CPVL: variants seen among roughly 807,000 people sequenced by gnomAD.
CPVL encodes the protein probable serine carboxypeptidase CPVL.
CPVL carries 51 observed loss-of-function variants against 63.7 expected under a neutral mutation model. The ratio of observed to expected loss-of-function variants is 0.80; its 90% confidence interval spans 0.64 to 1.01. The LOEUF (loss-of-function observed/expected upper bound fraction) is 1.01. Among genes scored for constraint, CPVL ranks in the 50% least tolerant of loss-of-function variants. CPVL has a pLI of 0.00. For synonymous variants in CPVL, 195 were observed against 206.0 expected, an observed-to-expected ratio of 0.95 and a Z score of 0.46; for missense variants, 530 against 573.1, an observed-to-expected ratio of 0.92 and a Z score of 0.77.
At chr7:29,147,137 G>A, upstream of CPVL, 1 of 828,652 alleles carries the variant, frequency 1.2e-6, no homozygotes, top group Non-Finnish European at 1.8e-6. Flanking sequence ...TGACCTGAGT[G>A]TATATTATTA....
At chr7:28,999,237 T>C (rs144256423) in intron 12 of CPVL, among the ~76,000 whole-genome samples, 1 of 151,916 alleles carries the variant, frequency 6.6e-6, no homozygotes, top group African/African-American at 2.4e-5. Context: ...AACAAAACAA[T>C]GACTCTCAAA....
intron 10 of CPVL, 60 bp downstream of exon 10, chr7:29,065,963 A>G: frequency 1.1e-6 from 1 of 922,762 alleles, no homozygotes; most frequent in Non-Finnish European, 1.7e-6. Context: ...AAATCAAAGG[A>G]AGTTCGGTTT....
intron 11 of CPVL, among the ~76,000 whole-genome samples, chr7:29,051,607 C>T (rs971112004): frequency 3.3e-5 from 5 of 152,002 alleles, no homozygotes; most frequent in African/African-American, 1.2e-4. Flanking sequence ...TAGATGTTAG[C>T]GTGGATGCAG....
intron 8 of CPVL, 25 bp downstream of exon 8, chr7:29,072,276 T>A (rs751743290): frequency 6.2e-7 from 1 of 1,613,252 alleles, no homozygotes; most frequent in South Asian, 1.1e-5. Flanking sequence ...AGAGACAAAA[T>A]AGAAAGTCAG....
At position 29,032,274 on chromosome 7, in the gene CPVL, C is replaced by G. The variant is rs559848836; in HGVS notation, c.1138-1515G>C. 1.9e-4 allele frequency among the ~76,000 whole-genome samples: 29 copies of G among 152,176 alleles called. No homozygotes were observed. The South Asian group carries it at 5.8e-3, about 31-fold the overall frequency. ...CTTTTACACACTCCAAATCCTCAAG[C>G]AGCAGTGGGACAGCAGTCAGACTAA... On this transcript the variant is annotated intron_variant, in intron 11 of 12. Transcript: ENST00000265394.
intron 11 of CPVL, among the ~76,000 whole-genome samples, chr7:29,056,611 G>T (rs1466640616): frequency 6.6e-6 from 1 of 152,020 alleles, no homozygotes; most frequent in Non-Finnish European, 1.5e-5. Flanking sequence ...TCCAAGTTTT[G>T]GCAATTATGA....
At chr7:29,151,015 A>G (rs878936228), upstream of CPVL, among the ~76,000 whole-genome samples, 6 of 152,330 alleles carry the variant, frequency 3.9e-5, no homozygotes, top group African/African-American at 4.8e-5. Context: ...CACCTCAGCT[A>G]TAAGCATTGA....
chr7:29,027,537 C>T (rs1183141090), intron 12 of CPVL, among the ~76,000 whole-genome samples: 1 of 152,112 alleles, frequency 6.6e-6, no homozygotes, highest in African/African-American at 2.4e-5. Context: ...GCAAGTCAAA[C>T]TGTTTCTCTT....
At chr7:29,004,305 C>G (rs1784958356) in intron 12 of CPVL, among the ~76,000 whole-genome samples, 1 of 152,150 alleles carries the variant, frequency 6.6e-6, no homozygotes, top group South Asian at 2.1e-4. Context: ...TACGTTCCTT[C>G]CTTTTAGAGA....
chr7:29,043,951 G>A (rs1385705668), intron 11 of CPVL, among the ~76,000 whole-genome samples: 1 of 152,156 alleles, frequency 6.6e-6, no homozygotes, highest in Non-Finnish European at 1.5e-5. Flanking sequence ...AGTGGAAAGA[G>A]CATGGGGCCT....
intron 11 of CPVL, among the ~76,000 whole-genome samples, chr7:29,063,589 A>G (rs1782839175): frequency 6.6e-6 from 1 of 152,066 alleles, no homozygotes; most frequent in African/African-American, 2.4e-5. Flanking sequence ...TATTTTTTTG[A>G]GACAGAGTTT....
At chr7:29,061,796 A>G (rs1277789285) in intron 11 of CPVL, among the ~76,000 whole-genome samples, 1 of 151,966 alleles carries the variant, frequency 6.6e-6, no homozygotes, top group African/African-American at 2.4e-5. Flanking sequence ...AAAATACAAA[A>G]TTAGCTGGGC....
intron 12 of CPVL, among the ~76,000 whole-genome samples, chr7:29,017,628 C>T (rs574993299): frequency 4.1e-4 from 62 of 152,206 alleles, no homozygotes; most frequent in African/African-American, 1.4e-3. Context: ...GCAGGACTCC[C>T]TCTCAAAAAA....
chr7:29,146,863 C>T, upstream of CPVL: 2 of 1,551,162 alleles, frequency 1.3e-6, no homozygotes, highest in Non-Finnish European at 1.7e-6. Flanking sequence ...TACTTGCAAG[C>T]CCAGGATTTA....
chr7:29,009,502 C>T lies in CPVL; in HGVS notation c.1321-13620G>A, dbSNP rs978633375. 4.6e-5 allele frequency: 7 copies of T among 152,164 alleles called. No homozygotes were observed. In the East Asian group the frequency reaches 9.6e-4, roughly 21 times the overall value. 9.4% of individuals were successfully genotyped at this position (152,164 alleles called of 1,614,324 possible). ...AAATACTGAAAACAACCCAAATGTC[C>T]ATCGGCAGTGGAATGGGTGAATAAC... On this transcript the variant is annotated intron_variant, in intron 12 of 12. Coordinates refer to ENST00000265394, the MANE Select transcript of CPVL (RefSeq NM_031311.5).
At chr7:29,075,405 C>T (rs1162929131) in intron 7 of CPVL, among the ~76,000 whole-genome samples, 1 of 151,488 alleles carries the variant, frequency 6.6e-6, no homozygotes, top group Non-Finnish European at 1.5e-5. Context: ...CCGTGCATTT[C>T]ATTCACATGC....
intron 12 of CPVL, among the ~76,000 whole-genome samples, chr7:29,022,258 C>A (rs773134398): frequency 6.6e-6 from 1 of 152,166 alleles, no homozygotes; most frequent in Non-Finnish European, 1.5e-5. Context: ...GGTCTGCTTG[C>A]CACCAGGAGA....
At chr7:29,083,553 C>T (rs1784939640) in intron 7 of CPVL, among the ~76,000 whole-genome samples, 1 of 152,204 alleles carries the variant, frequency 6.6e-6, no homozygotes, top group African/African-American at 2.4e-5. Flanking sequence ...TAGGCTATAC[C>T]TGCCCTGGGA....
chr7:28,995,705 A>G lies in CPVL; in HGVS notation c.*67T>C. The G allele has an allele frequency of 1.1e-6, 1 of 940,062 alleles. No individual in the cohort carries two copies. The highest frequency in any genetic ancestry group is 1.6e-6 in the Non-Finnish European group (1 of 608,158). The allele number at this position is 940,062 out of a possible 1,614,324, so 58.2% of individuals were successfully genotyped here. On this transcript the variant is annotated 3_prime_UTR_variant, in exon 13 of 13. Transcript: ENST00000265394. The stretch of plus-strand genomic sequence containing the variant: ...AAGATAATTTTTTTATTCCTATGAC[A>G]TTTTCTGTTTTTACGATTTTCTTTT...
Sources: gnomAD v4.1 joint callset for allele counts (sites outside exome capture counted in the v4.1 genomes callset) on GRCh38, gnomAD v4.1.1 for gene constraint, MANE v1.5 for transcripts, NCBI Gene and HGNC (gene_info 2026-07-23, HGNC 2026-07-21) for gene names.